TMEM267: variants seen among roughly 807,000 people sequenced by gnomAD.
The protein encoded by TMEM267 is transmembrane protein C5orf28.
In TMEM267, 20 loss-of-function variants were observed where a neutral mutation model predicts 19.3. The observed-to-expected ratio is 1.04, with a 90% confidence interval of 0.73 to 1.51. The LOEUF (loss-of-function observed/expected upper bound fraction) is 1.51, where lower values mean the gene tolerates loss of function less well. Among genes scored for constraint, TMEM267 ranks in the 40% most tolerant of loss-of-function variants. The probability of loss-of-function intolerance (pLI) is 0.00; values close to 1 mark genes in which losing one functional copy is unlikely to be tolerated. For missense variants in TMEM267, 242 were observed against 261.9 expected, an observed-to-expected ratio of 0.92 and a Z score of 0.52; for synonymous variants, 88 against 90.3, an observed-to-expected ratio of 0.97 and a Z score of 0.15.
At chr5:43,455,400 G>T (rs1178752719) in intron 1 of TMEM267, among the ~76,000 whole-genome samples, 1 of 151,508 alleles carries the variant, frequency 6.6e-6, no homozygotes, top group African/African-American at 2.4e-5. Context: ...GCCAGCCTGG[G>T]CAACACAGAG....
At chr5:43,474,595 A>C (rs1744299103) in intron 1 of TMEM267, among the ~76,000 whole-genome samples, 1 of 152,106 alleles carries the variant, frequency 6.6e-6, no homozygotes, top group Non-Finnish European at 1.5e-5. Flanking sequence ...TCCCATCTCT[A>C]CTAAAAATAC....
At chr5:43,463,308 A>C (rs1561191656) in intron 1 of TMEM267, among the ~76,000 whole-genome samples, 1 of 152,172 alleles carries the variant, frequency 6.6e-6, no homozygotes, top group African/African-American at 2.4e-5. Flanking sequence ...TAGCTTACCA[A>C]CCAAAAAAGG....
At chr5:43,463,847 C>T (rs1391736483) in intron 1 of TMEM267, among the ~76,000 whole-genome samples, 2 of 152,210 alleles carry the variant, frequency 1.3e-5, no homozygotes, top group Non-Finnish European at 2.9e-5. Flanking sequence ...CAGCCAATAT[C>T]ATACGGAATG....
At chr5:43,475,019 A>C (rs1744326775) in intron 1 of TMEM267, among the ~76,000 whole-genome samples, 1 of 152,192 alleles carries the variant, frequency 6.6e-6, no homozygotes, top group South Asian at 2.1e-4. Flanking sequence ...CAGCAATCCC[A>C]TTCCTGGGTA....
intron 1 of TMEM267, chr5:43,479,767 A>C (rs1295305778): frequency 3.0e-6 from 1 of 334,176 alleles, no homozygotes; most frequent in Non-Finnish European, 5.7e-6. Flanking sequence ...CAATAATGAA[A>C]ATTGTTCTCT....
chr5:43,473,139 CAAAAAAA>C (rs71610311), intron 1 of TMEM267, among the ~76,000 whole-genome samples: 7 of 84,510 alleles, frequency 8.3e-5, no homozygotes, highest in East Asian at 9.7e-4. Flanking sequence ...CTCCGTGTCA[CAAAAAAA>C]AAAAAAAAAA....
chr5:43,459,708 G>C (rs532339513), intron 1 of TMEM267, among the ~76,000 whole-genome samples: 1 of 152,108 alleles, frequency 6.6e-6, no homozygotes, highest in South Asian at 2.1e-4. Context: ...AAAATTAAGT[G>C]GTCAATAAAA....
intron 1 of TMEM267, among the ~76,000 whole-genome samples, chr5:43,454,907 T>G (rs1361958470): frequency 6.6e-6 from 1 of 152,236 alleles, no homozygotes; most frequent in Non-Finnish European, 1.5e-5. Flanking sequence ...ACCTAAAGTG[T>G]GACACATGAA....
intron 1 of TMEM267, among the ~76,000 whole-genome samples, chr5:43,462,862 C>T (rs1743357128): frequency 6.6e-6 from 1 of 152,136 alleles, no homozygotes; most frequent in African/African-American, 2.4e-5. Flanking sequence ...GACACCCTAA[C>T]ATCACAATTA....
rs79365346 is a variant in TMEM267, at chr5:43,457,429, G to A, written c.-74-3386C>T. Among the ~76,000 whole-genome samples the A allele has an allele frequency of 4.7e-3, 711 of 152,278 alleles. 5 individuals are homozygous for A. Among genetic ancestry groups the A allele is most frequent in the Non-Finnish European group, 7.1e-3 (484 of 68,028 alleles). Reference sequence around the variant, plus strand: ...AGCTTAATTGGCTTACAGTTCTGCAGGCTGTACAGGAAGCATGGCTGAGGA... The same window carrying A: ...AGCTTAATTGGCTTACAGTTCTGCAAGCTGTACAGGAAGCATGGCTGAGGA... On this transcript the variant is annotated intron_variant, in intron 1 of 2. Transcript: ENST00000397080.
chr5:43,470,003 CA>C (rs1743967775), intron 1 of TMEM267, among the ~76,000 whole-genome samples: 1 of 152,140 alleles, frequency 6.6e-6, no homozygotes, highest in African/African-American at 2.4e-5. Flanking sequence ...TTCACTGAGC[CA>C]GATAAAATTG....
At chr5:43,478,729 A>G (rs1744579385) in intron 1 of TMEM267, among the ~76,000 whole-genome samples, 1 of 152,190 alleles carries the variant, frequency 6.6e-6, no homozygotes, top group Non-Finnish European at 1.5e-5. Flanking sequence ...ACATAAAAAG[A>G]CAATTTGGAA....
At chr5:43,453,109 C>A (rs1054062551) in intron 2 of TMEM267, among the ~76,000 whole-genome samples, 3 of 152,328 alleles carry the variant, frequency 2.0e-5, no homozygotes, top group Admixed American at 6.5e-5. Context: ...TGTGTTCTAG[C>A]CAGTCCAGTT....
intron 1 of TMEM267, among the ~76,000 whole-genome samples, chr5:43,465,463 G>A (rs1296527443): frequency 6.6e-6 from 1 of 152,140 alleles, no homozygotes; most frequent in African/African-American, 2.4e-5. Context: ...CCATTACTGG[G>A]TATATACCCA....
Position 43,483,419 on chromosome 5 carries a change from G to A in TMEM267, c.-75+403C>T, listed in dbSNP as rs539461953. Among the ~76,000 whole-genome samples, 8 of 152,344 alleles carry A rather than the reference G, an allele frequency of 5.3e-5. No individual in the cohort carries two copies. In the South Asian group the frequency reaches 1.7e-3, roughly 32 times the overall value. ...TCAGCATTCAAGCCTCAAAGGCTCC[G>A]GGGCACGAAAGGCTCTTACAACCGG... On this transcript the variant is annotated intron_variant, in intron 1 of 2. Transcript: ENST00000397080.
chr5:43,460,423 C>A (rs1300645487), intron 1 of TMEM267, among the ~76,000 whole-genome samples: 8 of 151,908 alleles, frequency 5.3e-5, no homozygotes, highest in Admixed American at 5.2e-4. Context: ...CTCCACCAAT[C>A]ATCCCCAAAC....
At chr5:43,461,774 T>A (rs571067154) in intron 1 of TMEM267, among the ~76,000 whole-genome samples, 1 of 152,140 alleles carries the variant, frequency 6.6e-6, no homozygotes, top group Non-Finnish European at 1.5e-5. Context: ...TGCAGTGCAA[T>A]AGAACATCAG....
intron 1 of TMEM267, among the ~76,000 whole-genome samples, chr5:43,459,042 T>C (rs1169020283): frequency 6.6e-6 from 1 of 151,858 alleles, no homozygotes; most frequent in Non-Finnish European, 1.5e-5. Flanking sequence ...AATGTGATTA[T>C]CATCAACCCT....
At position 43,446,263 on chromosome 5, in the gene TMEM267, G is replaced by T. The variant is rs747271128; in HGVS notation, c.607C>A (p.Gln203Lys). The change falls in exon 3 of 3, where the codon CAA becomes AAA. Residue 203 changes from glutamine to lysine, a missense_variant. Gln to Lys is a moderately conservative substitution (Grantham distance 53). Coordinates refer to ENST00000397080, the MANE Select transcript of TMEM267 (RefSeq NM_022483.5). ...ACTCCATGTTTTGAAGACATCATTT[G>T]TCTGGTTCCTGTTAAATACATAACG... is the stretch of plus-strand genomic sequence containing the variant. ...SFVMYLTGTR[Q>K]MMSSKHGVRI... 59 of 1,613,524 alleles carry T rather than the reference G, an allele frequency of 3.7e-5. No individual in the cohort carries two copies. The highest frequency in any genetic ancestry group is 5.9e-6 in the Non-Finnish European group (7 of 1,179,602).
Sources: gnomAD v4.1 joint callset for allele counts (sites outside exome capture counted in the v4.1 genomes callset) on GRCh38, gnomAD v4.1.1 for gene constraint, MANE v1.5 for transcripts, NCBI Gene and HGNC (gene_info 2026-07-23, HGNC 2026-07-21) for gene names.